SH2D3A: variants seen among roughly 807,000 people sequenced by gnomAD.
SH2D3A encodes the protein SH2 domain containing 3A.
Under a neutral mutation model 50.6 loss-of-function variants are expected in SH2D3A, and 46 were observed. The ratio of observed to expected loss-of-function variants is 0.91; its 90% CI spans 0.72 to 1.16. The LOEUF (loss-of-function observed/expected upper bound fraction) is 1.16, where lower values mean the gene tolerates loss of function less well. Ranked by LOEUF, SH2D3A falls within the 50% of genes most tolerant of loss-of-function variation. The pLI, the probability that SH2D3A is intolerant of heterozygous loss-of-function variation, is 0.00. For synonymous variants in SH2D3A, 377 were observed against 348.4 expected (o/e 1.08, Z -0.91); for missense variants, 783 against 786.2 (o/e 1.00, Z 0.05).
chr19:6,753,624 C>A lies in SH2D3A; in HGVS notation c.1402G>T (p.Glu468Ter). ...GGTGCCACGTGCGGCAGCGCCACCTCGCCGGGGTCGCAGGGTCCTGCGGAG... is the reference window on the plus strand; with the variant it reads ...GGTGCCACGTGCGGCAGCGCCACCTAGCCGGGGTCGCAGGGTCCTGCGGAG... ...DEGAGPCDPG[E>*]VALPHVAPMV... is the part of the protein sequence containing the mutation. The change falls in exon 9 of 10, where the codon GAG (glutamate) becomes TAG (stop). Residue 468 changes from glutamate (E) to a stop codon, truncating the protein, a stop_gained. Coordinates refer to ENST00000245908, the MANE Select transcript of SH2D3A (RefSeq NM_005490.3). LOFTEE classifies it high-confidence loss of function. 1 of 1,580,596 alleles carries A rather than the reference C, an allele frequency of 6.3e-7. No homozygotes were observed. The highest frequency in any genetic ancestry group is 8.6e-7 in the Non-Finnish European group (1 of 1,164,968).
chr19:6,755,717 T>G (rs989813548), intron 4 of SH2D3A, among the ~76,000 whole-genome samples: 4 of 152,002 alleles, frequency 2.6e-5, no homozygotes, highest in East Asian at 1.9e-4. Context: ...ACATTTTAAA[T>G]TTGAATTCTT....
At position 6,755,148 on chromosome 19, in the gene SH2D3A, G is replaced by A. The variant is rs1057009272; in HGVS notation, c.664C>T (p.Pro222Ser). Reference sequence around the variant, plus strand: ...GTCGGGGGACGTTCAGAGGCATCAGGCAGTTCGAAGGAGGGTGTCCGGGGG... The same window carrying A: ...GTCGGGGGACGTTCAGAGGCATCAGACAGTTCGAAGGAGGGTGTCCGGGGG... Reference protein sequence around the residue: ...KPPRTPSFELPDASERPPTYC... With the variant: ...KPPRTPSFELSDASERPPTYC... The change falls in exon 5 of 10, where the codon CCT becomes TCT. Residue 222 changes from proline to serine, a missense_variant. Physicochemically the swap from Pro to Ser is moderately conservative, Grantham distance 74 (BLOSUM62 -1). Coordinates refer to ENST00000245908, the MANE Select transcript of SH2D3A (RefSeq NM_005490.3). 27 of 1,611,644 alleles carry A rather than the reference G, an allele frequency of 1.7e-5. No individual in the cohort carries two copies. The highest frequency in any genetic ancestry group is 2.2e-5 in the Non-Finnish European group (26 of 1,178,316).
Position 6,763,690 on chromosome 19 carries a change from A to G in SH2D3A, c.59T>C (p.Leu20Pro). 5.6e-6 allele frequency: 9 copies of G among 1,612,494 alleles called. No individual in the cohort carries two copies. Among genetic ancestry groups the G allele is most frequent in the Non-Finnish European group, 7.6e-6 (9 of 1,179,580 alleles). The change falls in exon 2 of 10, where the codon CTG becomes CCG. Residue 20 changes from leucine (L) to proline (P), a missense_variant. Transcript: ENST00000245908. Reference protein sequence around the residue: ...LAGQPWYHGLLSRQKAEALLQ... With the variant: ...LAGQPWYHGLPSRQKAEALLQ... ...TGCTGTGGGTGGTACCTGGCGGGAC[A>G]GGAGGCCGTGGTACCAAGGTTGGCC...
chr19:6,760,957 C>T lies in SH2D3A; in HGVS notation c.100G>A (p.Asp34Asn), dbSNP rs1361769998. The change falls in exon 3 of 10, where the codon GAC becomes AAC. Residue 34 changes from aspartate (D) to asparagine (N), a missense_variant. By Grantham distance (23) the Asp-to-Asn change is conservative. Transcript: ENST00000245908. ...GACCCAGAGGCGCGAACCAGGAAGT[C>T]GCCATTTTGCTGAAGAAGAGCTTCA... ...KAEALLQQNG[D>N]FLVRASGSRG... is the part of the protein sequence containing the mutation. 19 of 1,612,154 alleles carry T rather than the reference C, an allele frequency of 1.2e-5. No homozygotes were observed. In the Admixed American group the frequency reaches 2.8e-4, roughly 24 times the overall value.
chr19:6,756,108 GTGATATA>G (rs1301067015), intron 4 of SH2D3A, among the ~76,000 whole-genome samples: 1 of 147,814 alleles, frequency 6.8e-6, no homozygotes, highest in Admixed American at 6.8e-5. Context: ...CTACAATTAA[GTGATATA>G]TCTCTCTATA....
At chr19:6,754,542 G>A (rs936691458) in intron 6 of SH2D3A, 74 bp downstream of exon 6, 2 of 1,600,502 alleles carry the variant, frequency 1.2e-6, no homozygotes, top group African/African-American at 1.3e-5. Flanking sequence ...ACCATGAGTG[G>A]GGAGCTGTTT....
rs1969979809 is a variant in SH2D3A, at chr19:6,760,922, G to C, written c.135C>G (p.Gly45=). 6.2e-7 allele frequency: 1 copy of C among 1,614,080 alleles called. No homozygotes were observed. The highest frequency in any genetic ancestry group is 2.2e-5 in the East Asian group (1 of 44,884). The change falls in exon 3 of 10, where the codon GGC becomes GGG. Residue 45 remains glycine (G), a synonymous_variant. Coordinates refer to ENST00000245908, the MANE Select transcript of SH2D3A (RefSeq NM_005490.3). Reference sequence around the variant, plus strand: ...GCCAGCGGCAGGAGATCACGGGGTTGCCCCCACGGGACCCAGAGGCGCGAA... The same window carrying C: ...GCCAGCGGCAGGAGATCACGGGGTTCCCCCCACGGGACCCAGAGGCGCGAA... The part of the protein sequence containing the change: ...FLVRASGSRG[G]NPVISCRWRG...
chr19:6,766,831 T>C (rs1032230382), intron 1 of SH2D3A, among the ~76,000 whole-genome samples: 2 of 152,084 alleles, frequency 1.3e-5, no homozygotes, highest in African/African-American at 4.8e-5. Context: ...CAGGACAGCC[T>C]CTCCTATAAA....
intron 1 of SH2D3A, among the ~76,000 whole-genome samples, chr19:6,766,686 C>A (rs1970317415): frequency 2.0e-5 from 3 of 152,206 alleles, no homozygotes; most frequent in Non-Finnish European, 1.5e-5. Flanking sequence ...TCGGCACCAC[C>A]CTGCCCTCCA....
chr19:6,752,841 G>A (rs1016858913), intron 9 of SH2D3A, 88 bp from the exon 10 acceptor site: 14 of 1,431,962 alleles, frequency 9.8e-6, no homozygotes, highest in African/African-American at 7.2e-5. Flanking sequence ...TTCCCCAGAG[G>A]ACTTTGACCC....
At chr19:6,763,553 C>T (rs1392999647) in intron 2 of SH2D3A, 127 bp downstream of exon 2, 1 of 733,638 alleles carries the variant, frequency 1.4e-6, no homozygotes, top group Non-Finnish European at 2.2e-6. Context: ...AAGACAGTCC[C>T]CAGCCCTCTG....
rs1416766532 is a variant in SH2D3A at position 6,752,725 on chromosome 19, C to T, written c.1599G>A (p.Glu533=). Residue 533 remains glutamate (E), a synonymous_variant, in exon 10 of 10, where the codon GAG becomes GAA. Transcript: ENST00000245908. The part of the protein sequence containing the change: ...RGFRPNPELR[E]ALTTGFVRRL... Reference sequence around the variant, plus strand: ...TCCGCACGAAGCCGGTGGTCAGGGCCTCCCTCAGCTCCGGGTTAGGCCGGA... The same window carrying T: ...TCCGCACGAAGCCGGTGGTCAGGGCTTCCCTCAGCTCCGGGTTAGGCCGGA... The T allele has an allele frequency of 6.4e-7, 1 of 1,550,792 alleles. No individual in the cohort carries two copies. Among genetic ancestry groups the T allele is most frequent in the Admixed American group, 2.0e-5 (1 of 51,112 alleles).
At chr19:6,753,882 A>T (rs945408196) in intron 8 of SH2D3A, among the ~76,000 whole-genome samples, 170 bp downstream of exon 8, 4 of 150,478 alleles carry the variant, frequency 2.7e-5, no homozygotes, top group Non-Finnish European at 5.9e-5. Context: ...TCTCGTGTGG[A>T]GGGCGGGGCC....
At chr19:6,754,462 G>T (rs767915893) in intron 6 of SH2D3A, 37 bp from the exon 7 acceptor site, 2 of 1,530,258 alleles carry the variant, frequency 1.3e-6, no homozygotes, top group African/African-American at 2.7e-5. Flanking sequence ...GGGGAAGTGG[G>T]GAGGTTTGTA....
At chr19:6,767,008 G>A (rs1389873560) in intron 1 of SH2D3A, among the ~76,000 whole-genome samples, 3 of 152,160 alleles carry the variant, frequency 2.0e-5, no homozygotes, top group African/African-American at 7.2e-5. Context: ...ATACGATGAG[G>A]AAGGAGTAGA....
chr19:6,759,920 C>T (rs1320591277), intron 3 of SH2D3A, among the ~76,000 whole-genome samples: 2 of 152,098 alleles, frequency 1.3e-5, no homozygotes, highest in Non-Finnish European at 2.9e-5. Context: ...ACCTCCTCCC[C>T]CACAACTAAG....
intron 2 of SH2D3A, among the ~76,000 whole-genome samples, chr19:6,763,448 GC>G (rs1396875921): frequency 6.6e-6 from 1 of 152,116 alleles, no homozygotes; most frequent in Non-Finnish European, 1.5e-5. Flanking sequence ...TAGTTTGGGG[GC>G]ATTAGGACTC....
chr19:6,765,347 C>A (rs962668372), intron 1 of SH2D3A, among the ~76,000 whole-genome samples: 5 of 152,068 alleles, frequency 3.3e-5, no homozygotes, highest in Admixed American at 6.6e-5. Context: ...ACATCCCAGT[C>A]AGGGGGAATT....
intron 9 of SH2D3A, 37 bp downstream of exon 9, chr19:6,753,419 T>C: frequency 1.4e-6 from 2 of 1,444,284 alleles, no homozygotes; most frequent in African/African-American, 1.4e-5. Context: ...TGCAGGGTGC[T>C]CTGAAGTCTG....
Sources: allele counts gnomAD v4.1 joint callset (sites outside exome capture counted in the v4.1 genomes callset), GRCh38; gene constraint gnomAD v4.1.1; transcripts MANE v1.5; gene names NCBI Gene and HGNC (gene_info 2026-07-23, HGNC 2026-07-21).